Variants in PIK3AP1 observed in about 807,000 individuals in gnomAD.
PIK3AP1 encodes the protein phosphoinositide-3-kinase adaptor protein 1.
Under a neutral mutation model 88.1 loss-of-function variants are expected in PIK3AP1, and 21 were observed. That is an observed-to-expected ratio of 0.24 (90% confidence interval 0.17 to 0.34). The LOEUF (loss-of-function observed/expected upper bound fraction) is 0.34, where lower values mean the gene tolerates loss of function less well. Among genes scored for constraint, PIK3AP1 ranks in the 10% least tolerant of loss-of-function variants. The pLI is 1.00. For missense variants in PIK3AP1, 828 were observed against 1,035.7 expected, an observed-to-expected ratio of 0.80 and a Z score of 2.75; for synonymous variants, 398 against 400.0, an observed-to-expected ratio of 1.00 and a Z score of 0.06.
intron 14 of PIK3AP1, among the ~76,000 whole-genome samples, chr10:96,605,749 C>T (rs1455618891): frequency 6.6e-6 from 1 of 152,074 alleles, no homozygotes; most frequent in Non-Finnish European, 1.5e-5. Flanking sequence ...TAAAATAATA[C>T]GTCAAAATGT....
At position 96,635,972 on chromosome 10, in the gene PIK3AP1, C is replaced by T. The variant is rs563966390; in HGVS notation, c.1376-7479G>A. On this transcript the variant is annotated intron_variant, in intron 8 of 16. Coordinates refer to ENST00000339364, the MANE Select transcript of PIK3AP1 (RefSeq NM_152309.3). ...CCTGTAATCCCAGCACTTTGGGAGG[C>T]CGAGGGGGGTGGATCATGAGGTCAG... Among the ~76,000 whole-genome samples the T allele has an allele frequency of 3.7e-4, 56 of 151,784 alleles. 1 individual carries two copies. The South Asian group carries it at 9.8e-3, about 27-fold the overall frequency.
chr10:96,647,441 T>C (rs1344824699), intron 7 of PIK3AP1, among the ~76,000 whole-genome samples: 1 of 152,234 alleles, frequency 6.6e-6, no homozygotes, highest in African/African-American at 2.4e-5. Context: ...TAGTTACTAC[T>C]ATGAACACAG....
chr10:96,653,042 A>G (rs1042868835), intron 3 of PIK3AP1, among the ~76,000 whole-genome samples, 200 bp from the exon 4 acceptor site: 2 of 152,068 alleles, frequency 1.3e-5, no homozygotes, highest in Non-Finnish European at 2.9e-5. Context: ...ACCAAGAGTA[A>G]ATATTTATAG....
At chr10:96,660,105 G>T (rs1288754251) in intron 2 of PIK3AP1, among the ~76,000 whole-genome samples, 1 of 152,070 alleles carries the variant, frequency 6.6e-6, no homozygotes, top group Admixed American at 6.6e-5. Flanking sequence ...AACTTAATAT[G>T]GGATTTTAAA....
intron 1 of PIK3AP1, among the ~76,000 whole-genome samples, chr10:96,711,739 A>AATTTTTTTTTTTTTTTTTT (rs1844439120): frequency 1.5e-5 from 1 of 66,426 alleles, no homozygotes; most frequent in African/African-American, 7.0e-5. Flanking sequence ...AGATTACCAA[A>AATTTTTTTTTTTTTTTTTT]TTTTTTTTTT....
At chr10:96,612,950 G>GTGTATATATATATA (rs1481031378) in intron 13 of PIK3AP1, among the ~76,000 whole-genome samples, 2 of 59,678 alleles carry the variant, frequency 3.4e-5, no homozygotes, top group African/African-American at 1.6e-4. Context: ...GTGTGTGTGT[G>GTGTATATATATATA]TATATATATA....
At chr10:96,713,503 T>TA (rs566830672) in intron 1 of PIK3AP1, among the ~76,000 whole-genome samples, 1,219 of 84,442 alleles carry the variant, frequency 0.014, 13 homozygotes, top group African/African-American at 0.026. Flanking sequence ...GACTCCGTCT[T>TA]AAAAAAAAAA....
At position 96,645,688 on chromosome 10, in the gene PIK3AP1, C is replaced by A. The variant is rs776209038; in HGVS notation, c.1186-26G>T. The A allele has an allele frequency of 3.2e-6, 5 of 1,556,270 alleles. No individual in the cohort carries two copies. The African/African-American group carries it at 7.0e-5, about 22-fold the overall frequency. On this transcript the variant is annotated intron_variant, in intron 7 of 16. Transcript: ENST00000339364. ...CTGAAAGAGAAGATGAGGCCCACGG[C>A]GCCCTGAGGCAGCCTGACTTTCCGG...
intron 2 of PIK3AP1, among the ~76,000 whole-genome samples, chr10:96,700,590 C>T (rs975182517): frequency 3.9e-5 from 6 of 152,162 alleles, no homozygotes; most frequent in Non-Finnish European, 7.3e-5. Flanking sequence ...AAAAAGAAAG[C>T]GTCCTTCAGC....
intron 2 of PIK3AP1, among the ~76,000 whole-genome samples, chr10:96,695,899 GTA>G (rs1844212720): frequency 6.6e-6 from 1 of 152,194 alleles, no homozygotes; most frequent in African/African-American, 2.4e-5. Context: ...ACATTTTTAA[GTA>G]TGGACACAGA....
intron 2 of PIK3AP1, among the ~76,000 whole-genome samples, chr10:96,678,003 G>T (rs987322614): frequency 6.6e-6 from 1 of 152,048 alleles, no homozygotes; most frequent in African/African-American, 2.4e-5. Flanking sequence ...TTGCTCTATT[G>T]CCAAAACTGG....
At chr10:96,597,053 G>A (rs1269321335) in intron 16 of PIK3AP1, among the ~76,000 whole-genome samples, 1 of 152,144 alleles carries the variant, frequency 6.6e-6, no homozygotes, top group Non-Finnish European at 1.5e-5. Context: ...AACCTTGGGA[G>A]GTCCTGCCCT....
intron 11 of PIK3AP1, among the ~76,000 whole-genome samples, chr10:96,622,440 G>A (rs1564958688): frequency 6.6e-6 from 1 of 152,154 alleles, no homozygotes; most frequent in East Asian, 1.9e-4. Context: ...CTCCATTTGG[G>A]CATTGTGACT....
At chr10:96,617,849 T>A (rs1477858472) in intron 12 of PIK3AP1, among the ~76,000 whole-genome samples, 1 of 152,090 alleles carries the variant, frequency 6.6e-6, no homozygotes, top group Non-Finnish European at 1.5e-5. Flanking sequence ...TTGTTAGACA[T>A]GCTGTGAGCC....
chr10:96,648,914 T>TG, intron 6 of PIK3AP1, 59 bp from the exon 7 acceptor site: 1 of 1,412,768 alleles, frequency 7.1e-7, no homozygotes, highest in Non-Finnish European at 9.4e-7. Context: ...AGGGTGCCCT[T>TG]GTTCATGGAG....
intron 2 of PIK3AP1, among the ~76,000 whole-genome samples, chr10:96,661,542 A>G (rs1436269351): frequency 6.6e-6 from 1 of 152,220 alleles, no homozygotes; most frequent in Non-Finnish European, 1.5e-5. Context: ...CTGTGTGTAC[A>G]TAGGGGCAGA....
intron 8 of PIK3AP1, among the ~76,000 whole-genome samples, chr10:96,637,995 C>G (rs1442731414): frequency 6.6e-6 from 1 of 152,250 alleles, no homozygotes; most frequent in African/African-American, 2.4e-5. Flanking sequence ...GGTTCTGAGG[C>G]CTTTGGGCTA....
At chr10:96,682,710 G>C (rs1290333032) in intron 2 of PIK3AP1, among the ~76,000 whole-genome samples, 1 of 151,930 alleles carries the variant, frequency 6.6e-6, no homozygotes, top group East Asian at 1.9e-4. Flanking sequence ...CCTCACCTCT[G>C]GTCTCTAATC....
At chr10:96,708,960 G>T (rs376291299) in intron 2 of PIK3AP1, among the ~76,000 whole-genome samples, 1 of 151,716 alleles carries the variant, frequency 6.6e-6, no homozygotes, top group African/African-American at 2.4e-5. Flanking sequence ...ATAAAACCCT[G>T]TTTCTACTAT....
Sources: gnomAD v4.1 joint callset for allele counts (sites outside exome capture counted in the v4.1 genomes callset) on GRCh38, gnomAD v4.1.1 for gene constraint, MANE v1.5 for transcripts, NCBI Gene and HGNC (gene_info 2026-07-23, HGNC 2026-07-21) for gene names.